The following KALRN variants were observed in gnomAD, a reference collection of about 807,000 sequenced individuals.
The protein encoded by KALRN is kalirin RhoGEF kinase, also known as kalirin.
A neutral mutation model predicts 353.7 loss-of-function variants in KALRN; 70 were observed. The ratio of observed to expected loss-of-function variants is 0.20; its 90% CI spans 0.16 to 0.24. KALRN has a LOEUF of 0.24. Ranked by LOEUF, KALRN falls within the 10% of genes least tolerant of loss-of-function variation. The pLI is 1.00. For missense variants in KALRN, 2,791 were observed against 3,756.7 expected (o/e 0.74, Z 6.72); for synonymous variants, 1,391 against 1,434.8 (o/e 0.97, Z 0.69).
chr3:124,474,612 G>A (rs770723001), intron 25 of KALRN, 51 bp from the exon 26 acceptor site: 1 of 1,431,122 alleles, frequency 7.0e-7, no homozygotes, highest in East Asian at 2.3e-5. Flanking sequence ...CAATCCTCTG[G>A]GGGGTCAGCT....
chr3:124,172,941 CAG>C (rs1466773531), intron 1 of KALRN, among the ~76,000 whole-genome samples: 1 of 152,096 alleles, frequency 6.6e-6, no homozygotes, highest in Non-Finnish European at 1.5e-5. Context: ...CATTGGAAAA[CAG>C]ATATAATAGG....
intron 3 of KALRN, among the ~76,000 whole-genome samples, chr3:124,264,272 C>T (rs1018674989): frequency 3.9e-5 from 6 of 152,100 alleles, no homozygotes; most frequent in African/African-American, 7.2e-5. Flanking sequence ...AGTTATTTGC[C>T]AAGTGCTGGG....
intron 12 of KALRN, among the ~76,000 whole-genome samples, chr3:124,398,082 G>A (rs1039545221): frequency 2.0e-5 from 3 of 152,208 alleles, no homozygotes; most frequent in Non-Finnish European, 2.9e-5. Flanking sequence ...TCAGAGCAGA[G>A]ACCTAATTCA....
intron 34 of KALRN, among the ~76,000 whole-genome samples, chr3:124,591,921 A>G (rs889547061): frequency 6.6e-6 from 1 of 152,220 alleles, no homozygotes; most frequent in Non-Finnish European, 1.5e-5. Flanking sequence ...TCCTTTTTAA[A>G]AAACTTAATT....
chr3:124,511,330 T>C (rs535295931), intron 33 of KALRN, among the ~76,000 whole-genome samples: 1 of 152,310 alleles, frequency 6.6e-6, no homozygotes, highest in Admixed American at 6.5e-5. Flanking sequence ...TTGGATGACC[T>C]CTTGCATTCT....
At chr3:124,431,001 T>C (rs2093248859) in intron 16 of KALRN, among the ~76,000 whole-genome samples, 1 of 152,234 alleles carries the variant, frequency 6.6e-6, no homozygotes, top group Non-Finnish European at 1.5e-5. Flanking sequence ...TCACACTTCA[T>C]ATGAGAATCT....
chr3:124,400,478 T>A (rs2090721753), intron 13 of KALRN, among the ~76,000 whole-genome samples: 1 of 152,184 alleles, frequency 6.6e-6, no homozygotes, highest in South Asian at 2.1e-4. Context: ...TTCATAACCT[T>A]AGGAGAATTT....
chr3:124,291,379 AT>A (rs112877018), intron 5 of KALRN, among the ~76,000 whole-genome samples: 8 of 150,124 alleles, frequency 5.3e-5, no homozygotes, highest in Non-Finnish European at 5.9e-5. Context: ...GAAGCAGGGG[AT>A]TTTTTTTTTA....
intron 1 of KALRN, among the ~76,000 whole-genome samples, chr3:124,156,998 G>A (rs1333243247): frequency 6.6e-6 from 1 of 152,156 alleles, no homozygotes; most frequent in African/African-American, 2.4e-5. Context: ...TCTGTTTTGT[G>A]TTTATGTTTC....
rs1418803121 is a variant in KALRN, at chr3:124,334,948, T to C, written c.1647+453T>C. On this transcript the variant is annotated intron_variant, in intron 9 of 59. Transcript: ENST00000682506. The surrounding 1 kb of genome is among the most constrained non-coding windows in gnomAD (Gnocchi z 4.2). ...TAGCTGGGATTAACCGCATGTGCCA[T>C]CACACCCAGCTAATTTTTGTATTTT... is the stretch of plus-strand genomic sequence containing the variant. Among the ~76,000 whole-genome samples the C allele has an allele frequency of 6.6e-6, 1 of 152,160 alleles. No homozygotes were observed. The highest frequency in any genetic ancestry group is 1.5e-5 in the Non-Finnish European group (1 of 68,026).
intron 5 of KALRN, among the ~76,000 whole-genome samples, chr3:124,296,391 T>C (rs2076848660): frequency 6.6e-6 from 1 of 152,078 alleles, no homozygotes; most frequent in African/African-American, 2.4e-5. Context: ...CCCCACCTTC[T>C]CCTCTCTAAA....
chr3:124,686,142 A>G (rs1453773232), intron 51 of KALRN, among the ~76,000 whole-genome samples: 1 of 152,164 alleles, frequency 6.6e-6, no homozygotes, highest in Non-Finnish European at 1.5e-5. Context: ...AAACTTTAAA[A>G]CCTGCTCTAA....
chr3:124,075,102 C>G (rs930597300), intron 1 of KALRN, among the ~76,000 whole-genome samples: 1 of 152,140 alleles, frequency 6.6e-6, no homozygotes, highest in African/African-American at 2.4e-5. Flanking sequence ...AAGCTATGTC[C>G]TGCCTACTTT....
intron 1 of KALRN, among the ~76,000 whole-genome samples, chr3:124,046,638 T>A (rs952631895): frequency 2.0e-5 from 3 of 152,152 alleles, no homozygotes; most frequent in African/African-American, 7.2e-5. Context: ...AAAAACAGTG[T>A]TTTTGGCTGG....
chr3:124,592,309 CAA>C (rs10575664), intron 34 of KALRN, among the ~76,000 whole-genome samples: 24,757 of 120,810 alleles, frequency 0.2, 1,928 homozygotes, highest in East Asian at 0.27. Context: ...CTCAAAGAAA[CAA>C]AAAAAAAAAA....
intron 5 of KALRN, among the ~76,000 whole-genome samples, chr3:124,289,870 A>T (rs1316289928): frequency 6.6e-6 from 1 of 152,212 alleles, no homozygotes; most frequent in African/African-American, 2.4e-5. Flanking sequence ...GAAATAAGAC[A>T]TAGTATTATT....
chr3:124,477,192 C>A, intron 26 of KALRN, 53 bp from the exon 27 acceptor site: 1 of 1,329,264 alleles, frequency 7.5e-7, no homozygotes, highest in Non-Finnish European at 1.1e-6. Context: ...GCATGGTGGA[C>A]AGAAGGGAAC....
At chr3:124,495,744 A>AAAC (rs1303578675) in intron 32 of KALRN, among the ~76,000 whole-genome samples, 2 of 147,944 alleles carry the variant, frequency 1.4e-5, no homozygotes, top group African/African-American at 4.9e-5. Flanking sequence ...AAAAAAAAAA[A>AAAC]AAAAAAAGAA....
intron 5 of KALRN, among the ~76,000 whole-genome samples, chr3:124,279,850 G>C (rs540434490): frequency 6.6e-6 from 1 of 152,336 alleles, no homozygotes; most frequent in African/African-American, 2.4e-5. Context: ...AGTGCTATGG[G>C]AGCATAGATG....
Sources: allele counts gnomAD v4.1 joint callset (sites outside exome capture counted in the v4.1 genomes callset), GRCh38; gene constraint gnomAD v4.1.1; non-coding constraint Gnocchi (gnomAD v3.1); transcripts MANE v1.5; gene names NCBI Gene and HGNC (gene_info 2026-07-23, HGNC 2026-07-21).